KCNU1: variants seen among roughly 807,000 people sequenced by gnomAD.
The protein encoded by KCNU1 is potassium calcium-activated channel subfamily U member 1.
Under a neutral mutation model 126.8 loss-of-function variants are expected in KCNU1, and 93 were observed. The observed-to-expected ratio is 0.73, with a 90% CI of 0.62 to 0.87. KCNU1 has a LOEUF of 0.87. KCNU1 is among the 40% of genes least tolerant of loss of function. KCNU1 has a pLI of 0.00. For missense variants in KCNU1, 1,330 were observed against 1,367.1 expected (o/e 0.97, Z 0.43); for synonymous variants, 523 against 494.2 (o/e 1.06, Z -0.77).
intron 2 of KCNU1, among the ~76,000 whole-genome samples, chr8:36,800,729 C>T (rs538190983): frequency 3.3e-5 from 5 of 152,324 alleles, no homozygotes; most frequent in South Asian, 4.1e-4. Context: ...CATTCCTACC[C>T]GACTCACTGA....
intron 2 of KCNU1, among the ~76,000 whole-genome samples, chr8:36,792,596 C>A (rs1802943155): frequency 6.6e-6 from 1 of 152,144 alleles, no homozygotes; most frequent in African/African-American, 2.4e-5. Flanking sequence ...TACCATTTCA[C>A]AATCCGTTTT....
intron 19 of KCNU1, among the ~76,000 whole-genome samples, chr8:36,871,226 T>A (rs1806090853): frequency 6.6e-6 from 1 of 152,018 alleles, no homozygotes; most frequent in Non-Finnish European, 1.5e-5. Context: ...CAAAGACAGA[T>A]GAAAGAGTTA....
intron 19 of KCNU1, among the ~76,000 whole-genome samples, chr8:36,893,050 C>A (rs919958378): frequency 1.3e-5 from 2 of 152,142 alleles, no homozygotes; most frequent in South Asian, 4.1e-4. Flanking sequence ...CAACATCTGC[C>A]TCCTGGGATC....
intron 10 of KCNU1, among the ~76,000 whole-genome samples, chr8:36,826,319 C>T (rs1195296286): frequency 1.3e-5 from 2 of 151,946 alleles, no homozygotes; most frequent in Non-Finnish European, 2.9e-5. Flanking sequence ...AAGTGATTCT[C>T]CTGCCTCAGC....
At chr8:36,903,806 A>T (rs1316659460) in intron 19 of KCNU1, among the ~76,000 whole-genome samples, 1 of 152,146 alleles carries the variant, frequency 6.6e-6, no homozygotes, top group African/African-American at 2.4e-5. Context: ...TCGTGGTGGA[A>T]GGGGAAGCAA....
intron 10 of KCNU1, among the ~76,000 whole-genome samples, chr8:36,826,832 C>T (rs1804343911): frequency 6.6e-6 from 1 of 151,986 alleles, no homozygotes; most frequent in Non-Finnish European, 1.5e-5. Context: ...AGGTATTAAC[C>T]CCAGTACCCA....
chr8:36,826,577 T>G (rs969007466), intron 10 of KCNU1, among the ~76,000 whole-genome samples: 2 of 152,180 alleles, frequency 1.3e-5, no homozygotes, highest in African/African-American at 2.4e-5. Flanking sequence ...CTGTGTTGCA[T>G]TCTGGATAAT....
intron 19 of KCNU1, among the ~76,000 whole-genome samples, chr8:36,870,950 C>T (rs1246410759): frequency 6.6e-6 from 1 of 152,096 alleles, no homozygotes; most frequent in Non-Finnish European, 1.5e-5. Context: ...TGGTTTTCCA[C>T]CTGAGATTTT....
intron 19 of KCNU1, among the ~76,000 whole-genome samples, chr8:36,896,618 G>T (rs1807199865): frequency 1.3e-5 from 2 of 152,002 alleles, no homozygotes; most frequent in South Asian, 4.1e-4. Flanking sequence ...TGTGTTTACT[G>T]TTGGACTTTT....
At chr8:36,927,201 T>C (rs1031065219) in intron 24 of KCNU1, among the ~76,000 whole-genome samples, 2 of 152,210 alleles carry the variant, frequency 1.3e-5, no homozygotes, top group Admixed American at 6.5e-5. Flanking sequence ...ATTCTATCCC[T>C]TGTTAGACCT....
intron 16 of KCNU1, among the ~76,000 whole-genome samples, chr8:36,842,843 T>A (rs1409276009): frequency 6.6e-6 from 1 of 152,186 alleles, no homozygotes. Context: ...TTAATTTTTG[T>A]ATTTTTAGTA....
At chr8:36,806,743 T>A (rs1803517551) in intron 5 of KCNU1, among the ~76,000 whole-genome samples, 1 of 152,254 alleles carries the variant, frequency 6.6e-6, no homozygotes, top group African/African-American at 2.4e-5. Flanking sequence ...TCTCCATATG[T>A]GCTATGGCAT....
intron 20 of KCNU1, among the ~76,000 whole-genome samples, chr8:36,906,758 T>A (rs1283623701): frequency 1.3e-5 from 2 of 152,178 alleles, no homozygotes; most frequent in Admixed American, 1.3e-4. Flanking sequence ...TGTAAAAGCA[T>A]GATCCATCAT....
intron 18 of KCNU1, among the ~76,000 whole-genome samples, chr8:36,852,413 A>AT (rs1234792508): frequency 1.3e-5 from 2 of 151,966 alleles, no homozygotes; most frequent in Admixed American, 6.6e-5. Flanking sequence ...CTCTTCTTTT[A>AT]TTTTTTGGAA....
intron 22 of KCNU1, among the ~76,000 whole-genome samples, chr8:36,916,443 AAG>A (rs1808113112): frequency 6.6e-6 from 1 of 151,292 alleles, no homozygotes; most frequent in Non-Finnish European, 1.5e-5. Context: ...AGAAAGGAAA[AAG>A]GGAACGAAAG....
At chr8:36,821,165 AC>A (rs1229986990) in intron 10 of KCNU1, among the ~76,000 whole-genome samples, 2 of 152,182 alleles carry the variant, frequency 1.3e-5, no homozygotes, top group African/African-American at 4.8e-5. Flanking sequence ...ATAAACATAG[AC>A]CTTTTGTTAA....
At chr8:36,876,811 A>T (rs1408327291) in intron 19 of KCNU1, among the ~76,000 whole-genome samples, 2 of 152,142 alleles carry the variant, frequency 1.3e-5, no homozygotes, top group Non-Finnish European at 2.9e-5. Context: ...ATGTCAGGGG[A>T]TAAGAGGCTT....
chr8:36,880,256 C>A (rs544469782), intron 19 of KCNU1, among the ~76,000 whole-genome samples: 1 of 151,998 alleles, frequency 6.6e-6, no homozygotes, highest in Non-Finnish European at 1.5e-5. Flanking sequence ...CGTCTATTGG[C>A]GATGATTTGG....
At chr8:36,887,110 G>A (rs1043576963) in intron 19 of KCNU1, among the ~76,000 whole-genome samples, 2 of 152,020 alleles carry the variant, frequency 1.3e-5, no homozygotes, top group African/African-American at 2.4e-5. Flanking sequence ...ATAAACATAT[G>A]TGTGCAGGGG....
Sources: allele counts gnomAD v4.1 joint callset (sites outside exome capture counted in the v4.1 genomes callset), GRCh38; gene constraint gnomAD v4.1.1; transcripts MANE v1.5; gene names NCBI Gene and HGNC (gene_info 2026-07-23, HGNC 2026-07-21).